Variants in DGKI observed in about 807,000 individuals in gnomAD.
The protein encoded by DGKI is diacylglycerol kinase iota.
Under a neutral mutation model 147.5 loss-of-function variants are expected in DGKI, and 55 were observed. That is an observed-to-expected ratio of 0.37 (90% CI 0.30 to 0.47). The LOEUF (loss-of-function observed/expected upper bound fraction) is 0.47. DGKI is among the 20% of genes least tolerant of loss of function. The pLI is 1.00. For synonymous variants in DGKI, 469 were observed against 477.1 expected (o/e 0.98, Z 0.22); for missense variants, 1,007 against 1,323.8 (o/e 0.76, Z 3.71).
chr7:137,798,601 G>A (rs899504237), intron 1 of DGKI, among the ~76,000 whole-genome samples: 5 of 151,892 alleles, frequency 3.3e-5, no homozygotes, highest in African/African-American at 1.2e-4. Context: ...TGTATTTTTT[G>A]TAGAGAGGGT....
At chr7:137,667,812 T>C (rs1822695341) in intron 3 of DGKI, among the ~76,000 whole-genome samples, 1 of 152,228 alleles carries the variant, frequency 6.6e-6, no homozygotes, top group African/African-American at 2.4e-5. Flanking sequence ...CATTGTTTAC[T>C]CAACACTGTA....
chr7:137,781,526 G>A (rs548861511), intron 1 of DGKI, among the ~76,000 whole-genome samples: 1 of 152,266 alleles, frequency 6.6e-6, no homozygotes, highest in Non-Finnish European at 1.5e-5. Flanking sequence ...TGAGACTGAG[G>A]CTAGCCTAGA....
At chr7:137,638,056 C>A (rs1432835115) in intron 6 of DGKI, among the ~76,000 whole-genome samples, 3 of 152,120 alleles carry the variant, frequency 2.0e-5, no homozygotes, top group Non-Finnish European at 4.4e-5. Flanking sequence ...AATAAAGAGA[C>A]AAACGGTAAA....
At chr7:137,568,230 C>T (rs1306198677) in intron 19 of DGKI, among the ~76,000 whole-genome samples, 2 of 152,218 alleles carry the variant, frequency 1.3e-5, no homozygotes, top group Non-Finnish European at 2.9e-5. Flanking sequence ...CATGAAACTA[C>T]TTATAGTTCC....
chr7:137,578,715 T>C (rs1220666308), intron 15 of DGKI, among the ~76,000 whole-genome samples: 1 of 152,098 alleles, frequency 6.6e-6, no homozygotes, highest in Non-Finnish European at 1.5e-5. Context: ...TTGTAAAAAT[T>C]GGAGGGTTTC....
chr7:137,771,120 C>T (rs962970337), intron 1 of DGKI, among the ~76,000 whole-genome samples: 5 of 151,958 alleles, frequency 3.3e-5, no homozygotes, highest in Admixed American at 1.3e-4. Flanking sequence ...GATGGCATCT[C>T]ACCTCTGTCA....
At chr7:137,596,001 C>CAGAAAAA (rs1819779313) in intron 12 of DGKI, among the ~76,000 whole-genome samples, 1 of 44,362 alleles carries the variant, frequency 2.3e-5, no homozygotes, top group Non-Finnish European at 3.9e-5. Flanking sequence ...GACTCCGTCT[C>CAGAAAAA]AAAAAAAAAA....
chr7:137,777,183 C>T (rs183276227), intron 1 of DGKI, among the ~76,000 whole-genome samples: 515 of 152,052 alleles, frequency 3.4e-3, no homozygotes, highest in Non-Finnish European at 5.5e-3. Context: ...CAGAGTGAGA[C>T]CCCCACCAAT....
chr7:137,819,125 C>T (rs944903263), intron 1 of DGKI, among the ~76,000 whole-genome samples: 2 of 152,120 alleles, frequency 1.3e-5, no homozygotes, highest in Non-Finnish European at 2.9e-5. Flanking sequence ...TAAACTCCAG[C>T]TTAACTGGGA....
At chr7:137,431,007 G>C (rs535280239) in intron 28 of DGKI, among the ~76,000 whole-genome samples, 1 of 152,112 alleles carries the variant, frequency 6.6e-6, no homozygotes, top group Admixed American at 6.6e-5. Context: ...CCTCACACAA[G>C]TCTACCACCC....
intron 23 of DGKI, among the ~76,000 whole-genome samples, chr7:137,477,843 T>A (rs1435701147): frequency 6.6e-6 from 1 of 152,082 alleles, no homozygotes; most frequent in Non-Finnish European, 1.5e-5. Flanking sequence ...TGTTTTTTTG[T>A]ACAGACGGGG....
At chr7:137,795,417 C>G (rs1212765294) in intron 1 of DGKI, among the ~76,000 whole-genome samples, 1 of 152,202 alleles carries the variant, frequency 6.6e-6, no homozygotes, top group Non-Finnish European at 1.5e-5. Flanking sequence ...AATTCTCATT[C>G]ACATGGAATT....
chr7:137,610,496 A>G (rs1820328154), intron 8 of DGKI, among the ~76,000 whole-genome samples: 1 of 152,230 alleles, frequency 6.6e-6, no homozygotes, highest in Non-Finnish European at 1.5e-5. Context: ...CTGATTGAAG[A>G]CAAGATAAAA....
intron 28 of DGKI, among the ~76,000 whole-genome samples, chr7:137,437,886 T>C (rs994502198): frequency 2.0e-5 from 3 of 152,148 alleles, no homozygotes; most frequent in African/African-American, 7.2e-5. Context: ...GCTAGTTATG[T>C]ATATGAACAG....
chr7:137,583,873 T>A (rs978603114), intron 14 of DGKI, among the ~76,000 whole-genome samples: 1 of 152,128 alleles, frequency 6.6e-6, no homozygotes, highest in Non-Finnish European at 1.5e-5. Context: ...CATTATAAAC[T>A]TGAATTCAGC....
At chr7:137,648,645 G>A (rs749423912) in intron 5 of DGKI, among the ~76,000 whole-genome samples, 3 of 152,158 alleles carry the variant, frequency 2.0e-5, no homozygotes, top group Non-Finnish European at 4.4e-5. Context: ...ACAAGATTTC[G>A]TCGTGCTACT....
intron 21 of DGKI, chr7:137,493,930 A>T: frequency 1.7e-6 from 1 of 581,948 alleles, no homozygotes; most frequent in Non-Finnish European, 3.1e-6. Flanking sequence ...ATTCTAAAGA[A>T]TACAATAAAA....
intron 1 of DGKI, among the ~76,000 whole-genome samples, chr7:137,806,108 T>G (rs1015725408): frequency 6.6e-6 from 1 of 152,236 alleles, no homozygotes; most frequent in Non-Finnish European, 1.5e-5. Context: ...GTGCCCATCC[T>G]TCTTTAGCGT....
At chr7:137,402,856 G>A (rs1034835738) in intron 30 of DGKI, among the ~76,000 whole-genome samples, 3 of 152,020 alleles carry the variant, frequency 2.0e-5, no homozygotes, top group East Asian at 1.9e-4. Flanking sequence ...CAGAAAAAGG[G>A]GGGTTAAAAA....
Sources: allele counts gnomAD v4.1 joint callset (sites outside exome capture counted in the v4.1 genomes callset), GRCh38; gene constraint gnomAD v4.1.1; transcripts MANE v1.5; gene names NCBI Gene and HGNC (gene_info 2026-07-23, HGNC 2026-07-21).